KDM4A: variants seen among roughly 807,000 people sequenced by gnomAD.
KDM4A encodes lysine demethylase 4A, also known as lysine-specific demethylase 4A.
Under a neutral mutation model 127.1 loss-of-function variants are expected in KDM4A, and 23 were observed. The ratio of observed to expected loss-of-function variants is 0.18; its 90% CI spans 0.13 to 0.26. The LOEUF (loss-of-function observed/expected upper bound fraction) is 0.26, where lower values mean the gene tolerates loss of function less well. Among genes scored for constraint, KDM4A ranks in the 10% least tolerant of loss-of-function variants. KDM4A has a pLI of 1.00. For synonymous variants in KDM4A, 443 were observed against 466.5 expected, an observed-to-expected ratio of 0.95 and a Z score of 0.65; for missense variants, 890 against 1,329.1, an observed-to-expected ratio of 0.67 and a Z score of 5.14.
At chr1:43,683,860 C>T in intron 12 of KDM4A, 56 bp downstream of exon 12, 2 of 1,592,948 alleles carry the variant, frequency 1.3e-6, no homozygotes, top group Non-Finnish European at 1.7e-6. Flanking sequence ...TTAGACTTGA[C>T]AGGACAGGAC....
chr1:43,702,213 A>G (rs900466740), intron 19 of KDM4A: 1 of 152,234 alleles, frequency 6.6e-6, no homozygotes, highest in Non-Finnish European at 1.5e-5. Context: ...AGAGGTTCAC[A>G]GACCACATTT....
chr1:43,653,073 T>C (rs1660155188), intron 1 of KDM4A, 64 bp from the exon 2 acceptor site: 2 of 789,310 alleles, frequency 2.5e-6, no homozygotes, highest in Non-Finnish European at 3.7e-6. Flanking sequence ...GTTTTCAGAG[T>C]TGATGTTTCC....
chr1:43,677,233 T>C, intron 11 of KDM4A, among the ~76,000 whole-genome samples: 1 of 151,242 alleles, frequency 6.6e-6, no homozygotes, highest in Non-Finnish European at 1.5e-5. Context: ...TAATCCCAGC[T>C]ACTCAGGAGG....
rs568087017 is a variant in KDM4A, at chr1:43,660,853, T to G, written c.429+441T>G. Among the ~76,000 whole-genome samples, 16 of 152,346 alleles carry G rather than the reference T, an allele frequency of 1.1e-4. No homozygotes were observed. The East Asian group carries it at 2.7e-3, about 26-fold the overall frequency. On this transcript the variant is annotated intron_variant, in intron 4 of 21. Transcript: ENST00000372396. ...CTGTGGCAAAAGCTATTTTAACCACTTTTATTGGCTTGAAATCCTGCCTTA... is the reference window on the plus strand; with the variant it reads ...CTGTGGCAAAAGCTATTTTAACCACGTTTATTGGCTTGAAATCCTGCCTTA...
In KDM4A at chr1:43,694,585, G is replaced by A; in HGVS notation, c.2485-124G>A. 1 of 750,770 alleles carries A rather than the reference G, an allele frequency of 1.3e-6. No homozygotes were observed. Among genetic ancestry groups the A allele is most frequent in the Non-Finnish European group, 2.2e-6 (1 of 452,104 alleles). 46.5% of individuals were successfully genotyped at this position (750,770 alleles called of 1,614,324 possible). A position where few individuals can be genotyped will look rare whatever the true frequency, so the allele number is the denominator to read the frequency against. On this transcript the variant is annotated intron_variant, in intron 17 of 21. Transcript: ENST00000372396. The surrounding 1 kb of genome is among the most constrained non-coding windows in gnomAD (Gnocchi z 5.2). The stretch of plus-strand genomic sequence containing the variant: ...CAGACCTGGATTAGAGCAGGCTGGT[G>A]TGTCCTTGTATTTTGGGAAGGGGCT...
chr1:43,676,088 T>A (rs367961268), intron 11 of KDM4A, among the ~76,000 whole-genome samples: 1,710 of 89,584 alleles, frequency 0.019, no homozygotes, highest in Non-Finnish European at 0.021. Context: ...CTCAAAAAGA[T>A]AAAAAAAAAA....
chr1:43,655,748 A>G lies in KDM4A; in HGVS notation c.296A>G (p.Lys99Arg). ...GCCATGACTGTTCGAGAGTTCCGCA[A>G]GATAGCCAATAGCGATAAGTGAGTG... Reference protein sequence around the residue: ...KKAMTVREFRKIANSDKYCTP... With the variant: ...KKAMTVREFRRIANSDKYCTP... Residue 99 changes from lysine (K) to arginine (R), a missense_variant, in exon 3 of 22, where the codon AAG becomes AGG. Physicochemically the swap from Lys to Arg is conservative, Grantham distance 26. Transcript: ENST00000372396. The G allele has an allele frequency of 6.2e-7, 1 of 1,611,840 alleles. No individual in the cohort carries two copies. The highest frequency in any genetic ancestry group is 1.3e-5 in the African/African-American group (1 of 75,008).
chr1:43,673,493 T>C (rs543110204), intron 11 of KDM4A, among the ~76,000 whole-genome samples: 2 of 152,280 alleles, frequency 1.3e-5, no homozygotes, highest in Admixed American at 1.3e-4. Context: ...CAATAGTCCC[T>C]TTTTATGGTA....
intron 19 of KDM4A, among the ~76,000 whole-genome samples, chr1:43,701,627 A>G (rs1180256318): frequency 6.6e-6 from 1 of 152,134 alleles, no homozygotes. Context: ...AACTGGGACT[A>G]TAGGCGTGTG....
At position 43,697,909 on chromosome 1, in the gene KDM4A, C is replaced by T; in HGVS notation, c.2737C>T (p.Arg913Cys). The T allele has an allele frequency of 1.2e-6, 2 of 1,613,796 alleles. No individual in the cohort carries two copies. Among genetic ancestry groups the T allele is most frequent in the Non-Finnish European group, 1.7e-6 (2 of 1,179,990 alleles). The stretch of plus-strand genomic sequence containing the variant: ...AGTCATTAGCAAGCATAAGAACGGG[C>T]GCTTCTACCAGTGTGAAGTGGTCAG... ...QKVISKHKNGRFYQCEVVRLT... is the reference protein window; with the variant it reads ...QKVISKHKNGCFYQCEVVRLT... The change falls in exon 19 of 22, where the codon CGC (arginine) becomes TGC (cysteine). Residue 913 changes from arginine to cysteine, a missense_variant. Arg to Cys is a radical substitution (Grantham distance 180, BLOSUM62 -3). This residue lies in a region of KDM4A where 246 missense variants were observed against 418.4 expected (regional missense o/e 0.59). Transcript: ENST00000372396.
At chr1:43,669,023 G>A (rs2154047240) in intron 9 of KDM4A, 77 bp from the exon 10 acceptor site, 2 of 1,474,082 alleles carry the variant, frequency 1.4e-6, no homozygotes, top group Non-Finnish European at 1.9e-6. Context: ...TTTGGGTTGT[G>A]TGTGGATGTG....
intron 20 of KDM4A, 43 bp downstream of exon 20, chr1:43,703,779 T>G: frequency 6.2e-7 from 1 of 1,611,570 alleles, no homozygotes; most frequent in Non-Finnish European, 8.5e-7. Context: ...GGGTGCTTGA[T>G]TAATTCTGTG....
At chr1:43,666,422 G>A (rs772014645) in intron 6 of KDM4A, 30 bp from the exon 7 acceptor site, 14 of 1,576,594 alleles carry the variant, frequency 8.9e-6, no homozygotes, top group Non-Finnish European at 1.2e-5. Context: ...GTGGAGCACT[G>A]TGTTAACCTG....
At chr1:43,660,175 G>C in intron 3 of KDM4A, 123 bp from the exon 4 acceptor site, 2 of 1,097,904 alleles carry the variant, frequency 1.8e-6, no homozygotes, top group Non-Finnish European at 2.7e-6. Flanking sequence ...TGAAGGCCAA[G>C]ATTATGCCTT....
At chr1:43,691,122 T>TCA in intron 14 of KDM4A, 73 bp downstream of exon 14, 1 of 1,448,574 alleles carries the variant, frequency 6.9e-7, no homozygotes. Flanking sequence ...TCTTGCCACC[T>TCA]CCTGGCCTCC....
At chr1:43,696,048 T>C (rs1557920398) in intron 18 of KDM4A, among the ~76,000 whole-genome samples, 1 of 152,074 alleles carries the variant, frequency 6.6e-6, no homozygotes, top group Admixed American at 6.6e-5. Context: ...ACTGTGAGGG[T>C]AAAGATTTGG....
intron 15 of KDM4A, among the ~76,000 whole-genome samples, 154 bp from the exon 16 acceptor site, chr1:43,692,102 C>G (rs542254163): frequency 6.6e-6 from 1 of 152,228 alleles, no homozygotes; most frequent in Admixed American, 6.5e-5. Context: ...TCTGACAGGG[C>G]GTCCTGGTGC....
At chr1:43,651,199 C>A (rs147926139) in intron 1 of KDM4A, among the ~76,000 whole-genome samples, 256 of 152,320 alleles carry the variant, frequency 1.7e-3, no homozygotes, top group Middle Eastern at 6.8e-3. Context: ...ATTTTGGATT[C>A]ATTTTTCTTT....
intron 2 of KDM4A, among the ~76,000 whole-genome samples, chr1:43,655,030 T>C (rs1403826709): frequency 6.6e-6 from 1 of 152,094 alleles, no homozygotes; most frequent in African/African-American, 2.4e-5. Context: ...TTTGTGTTTT[T>C]AGTAGAGATG....
Sources: gnomAD v4.1 joint callset for allele counts (sites outside exome capture counted in the v4.1 genomes callset) on GRCh38, gnomAD v4.1.1 for gene constraint, gnomAD v4.1.1 regional missense constraint, Gnocchi (gnomAD v3.1) non-coding constraint, MANE v1.5 for transcripts, NCBI Gene and HGNC (gene_info 2026-07-23, HGNC 2026-07-21) for gene names.